Variants in CRYZ observed in about 807,000 individuals in gnomAD.
The protein encoded by CRYZ is crystallin zeta.
Under a neutral mutation model 34.1 loss-of-function variants are expected in CRYZ, and 35 were observed. The ratio of observed to expected loss-of-function variants is 1.03; its 90% confidence interval spans 0.78 to 1.36. The LOEUF (loss-of-function observed/expected upper bound fraction) is 1.36. Ranked by LOEUF, CRYZ falls within the 40% of genes most tolerant of loss-of-function variation. The probability of loss-of-function intolerance (pLI) is 0.00; values close to 1 mark genes in which losing one functional copy is unlikely to be tolerated. For missense variants in CRYZ, 403 were observed against 391.8 expected (o/e 1.03, Z -0.24); for synonymous variants, 137 against 136.5 (o/e 1.00, Z -0.03).
intron 1 of CRYZ, chr1:74,732,619 A>G (rs1245191443): frequency 1.3e-3 from 17 of 13,590 alleles, no homozygotes; most frequent in Admixed American, 1.5e-3. Flanking sequence ...GGGGGGGTGC[A>G]GCGTGGGGCT....
At chr1:74,718,193 T>C (rs1487079689) in intron 4 of CRYZ, among the ~76,000 whole-genome samples, 2 of 152,082 alleles carry the variant, frequency 1.3e-5, no homozygotes, top group Admixed American at 6.6e-5. Flanking sequence ...CAAATACCCC[T>C]GATTTTACCC....
At chr1:74,729,593 A>G (rs1647589244) in intron 1 of CRYZ, among the ~76,000 whole-genome samples, 1 of 150,744 alleles carries the variant, frequency 6.6e-6, no homozygotes, top group African/African-American at 2.4e-5. Context: ...GCAGTGAGCC[A>G]TGATCCTGCC....
intron 1 of CRYZ, among the ~76,000 whole-genome samples, chr1:74,726,766 T>G (rs948655527): frequency 6.6e-6 from 1 of 152,106 alleles, no homozygotes; most frequent in African/African-American, 2.4e-5. Context: ...TAAGTTCCAA[T>G]TCCAAACCAT....
chr1:74,714,899 C>T (rs541278533), intron 4 of CRYZ, among the ~76,000 whole-genome samples: 1 of 152,256 alleles, frequency 6.6e-6, no homozygotes, highest in South Asian at 2.1e-4. Flanking sequence ...TGTGGTGCTA[C>T]TTCTGAGTGG....
chr1:74,713,743 A>G (rs1447962094), intron 5 of CRYZ, among the ~76,000 whole-genome samples: 1 of 152,214 alleles, frequency 6.6e-6, no homozygotes, highest in Non-Finnish European at 1.5e-5. Context: ...TCCAGAATAC[A>G]CAGTGCTCTG....
chr1:74,723,634 C>A (rs1002141371), intron 2 of CRYZ, among the ~76,000 whole-genome samples: 3 of 152,132 alleles, frequency 2.0e-5, no homozygotes, highest in Non-Finnish European at 2.9e-5. Flanking sequence ...TGAGTTCTAG[C>A]CAATGGAATG....
chr1:74,709,606 A>G (rs1213321038), intron 6 of CRYZ, among the ~76,000 whole-genome samples: 3 of 152,190 alleles, frequency 2.0e-5, no homozygotes, highest in East Asian at 1.9e-4. Context: ...ATTCTGTTAA[A>G]TGCAGCAACT....
chr1:74,721,140 T>G (rs934913923), intron 3 of CRYZ, among the ~76,000 whole-genome samples: 8 of 152,304 alleles, frequency 5.3e-5, no homozygotes, highest in African/African-American at 1.9e-4. Context: ...GCAGCATTTA[T>G]TACCAATGAG....
intron 4 of CRYZ, among the ~76,000 whole-genome samples, chr1:74,717,782 A>G (rs1185681129): frequency 1.3e-5 from 2 of 152,076 alleles, no homozygotes; most frequent in East Asian, 3.9e-4. Context: ...GAATACCATG[A>G]CCTCTAGATT....
chr1:74,722,214 G>A (rs1647175261), intron 3 of CRYZ, among the ~76,000 whole-genome samples: 1 of 152,002 alleles, frequency 6.6e-6, no homozygotes, highest in Non-Finnish European at 1.5e-5. Flanking sequence ...CAGAAAGGAG[G>A]GGGAGAGGAG....
At chr1:74,714,931 A>T (rs1399992119) in intron 4 of CRYZ, among the ~76,000 whole-genome samples, 1 of 152,128 alleles carries the variant, frequency 6.6e-6, no homozygotes, top group Non-Finnish European at 1.5e-5. Flanking sequence ...GTGGGTTGTG[A>T]AGTAAAATTG....
At position 74,723,247 on chromosome 1, in the gene CRYZ, A is replaced by G. The variant is rs1647196580; in HGVS notation, c.135T>C (p.Cys45=). Residue 45 remains cysteine, a synonymous_variant, in exon 3 of 9, where the codon TGT becomes TGC. Coordinates refer to ENST00000340866, the MANE Select transcript of CRYZ (RefSeq NM_001889.4). ...DHQVLIKVHA[C]GVNPVETYIR... is the part of the protein sequence containing the mutation. ...TGTATGTCTCCACGGGGTTGACACCACATGCATGGACCTTGATTAGAACCT... is the reference window on the plus strand; with the variant it reads ...TGTATGTCTCCACGGGGTTGACACCGCATGCATGGACCTTGATTAGAACCT... 1 of 1,610,884 alleles carries G rather than the reference A, an allele frequency of 6.2e-7. No individual in the cohort carries two copies. Among genetic ancestry groups the G allele is most frequent in the African/African-American group, 1.3e-5 (1 of 74,740 alleles).
intron 5 of CRYZ, 111 bp from the exon 6 acceptor site, chr1:74,710,358 CT>C (rs754961147): frequency 3.0e-5 from 28 of 935,464 alleles, no homozygotes; most frequent in Non-Finnish European, 4.3e-5. Flanking sequence ...CTTTAAGGAA[CT>C]TAAGAGTGTA....
rs1647245827 is a variant in CRYZ at position 74,724,698 on chromosome 1, A to G, written c.111+13T>C. 1 of 1,546,440 alleles carries G rather than the reference A, an allele frequency of 6.5e-7. No individual in the cohort carries two copies. The highest frequency in any genetic ancestry group is 1.1e-5 in the South Asian group (1 of 88,232). ...GTATAATTATAGCCTCAATAAAGTA[A>G]TTTTATTTCTACCTGATGGTCTTTT... On this transcript the variant is annotated intron_variant, in intron 2 of 8. Coordinates refer to ENST00000340866, the MANE Select transcript of CRYZ (RefSeq NM_001889.4).
rs777200687 is a variant in CRYZ, at chr1:74,707,107, A to G, written c.728T>C (p.Val243Ala). Residue 243 changes from valine (V) to alanine (A), a missense_variant, in exon 7 of 9, where the codon GTG becomes GCG. Val to Ala is a moderately conservative substitution (Grantham distance 64, BLOSUM62 0). Transcript: ENST00000340866. ...DLSLLSHGGR[V>A]IVVGSRGTIE... The stretch of plus-strand genomic sequence containing the variant: ...AAAAAGAAAAGGAATACTTACTATC[A>G]CTCGTCCTCCATGTGACAGAAGACT... The G allele has an allele frequency of 7.9e-5, 124 of 1,573,356 alleles. No homozygotes were observed. The highest frequency in any genetic ancestry group is 1.1e-4 in the Non-Finnish European group (122 of 1,159,222).
At chr1:74,720,368 A>G (rs1647142453) in intron 3 of CRYZ, among the ~76,000 whole-genome samples, 1 of 152,148 alleles carries the variant, frequency 6.6e-6, no homozygotes, top group Non-Finnish European at 1.5e-5. Flanking sequence ...GTAAAGCCTC[A>G]ACAAATGTCT....
chr1:74,724,350 AATGC>A (rs1647228714), intron 2 of CRYZ, among the ~76,000 whole-genome samples: 1 of 152,206 alleles, frequency 6.6e-6, no homozygotes, highest in Non-Finnish European at 1.5e-5. Context: ...AAAAAGCATG[AATGC>A]AAAAGAAAAT....
intron 1 of CRYZ, chr1:74,732,651 GC>G (rs1647890591): frequency 6.8e-6 from 1 of 146,248 alleles, no homozygotes; most frequent in Non-Finnish European, 1.5e-5. Flanking sequence ...AGTGCGGGGG[GC>G]GGAGGCTGGG....
At chr1:74,711,811 C>T (rs1373764239) in intron 5 of CRYZ, among the ~76,000 whole-genome samples, 1 of 152,158 alleles carries the variant, frequency 6.6e-6, no homozygotes, top group Non-Finnish European at 1.5e-5. Context: ...TGCTCATCTA[C>T]TTACGGGCGA....
Sources: gnomAD v4.1 joint callset for allele counts (sites outside exome capture counted in the v4.1 genomes callset) on GRCh38, gnomAD v4.1.1 for gene constraint, MANE v1.5 for transcripts, NCBI Gene and HGNC (gene_info 2026-07-23, HGNC 2026-07-21) for gene names.